The following DEFB134 variants were observed in gnomAD, a reference collection of about 807,000 sequenced individuals.
DEFB134 encodes beta-defensin 134.
DEFB134 carries 7 observed loss-of-function variants against 7.4 expected under a neutral mutation model. That is an observed-to-expected ratio of 0.95 (90% CI 0.54 to 1.79). DEFB134 has a LOEUF of 1.79. Ranked by LOEUF, DEFB134 falls within the 40% of genes most tolerant of loss-of-function variation. The probability of loss-of-function intolerance (pLI) is 0.00; values close to 1 mark genes in which losing one functional copy is unlikely to be tolerated. For synonymous variants in DEFB134, 33 were observed against 25.0 expected, an observed-to-expected ratio of 1.32 and a Z score of -0.96; for missense variants, 105 against 74.8, an observed-to-expected ratio of 1.40 and a Z score of -1.49.
At chr8:11,995,845 T>C (rs904589160) in intron 1 of DEFB134, among the ~76,000 whole-genome samples, 7 of 152,162 alleles carry the variant, frequency 4.6e-5, no homozygotes, top group African/African-American at 1.4e-4. Flanking sequence ...TTTCATATTA[T>C]GTATGGACAT....
intron 1 of DEFB134, among the ~76,000 whole-genome samples, chr8:11,994,936 T>A (rs1018625271): frequency 6.6e-6 from 1 of 152,156 alleles, no homozygotes; most frequent in Non-Finnish European, 1.5e-5. Context: ...TGAAGGAGGA[T>A]GAAATCAATT....
upstream of DEFB134, chr8:11,999,210 G>C (rs907321193): frequency 4.9e-6 from 1 of 204,688 alleles, no homozygotes; most frequent in South Asian, 1.1e-4. Flanking sequence ...TGAGGGCGTG[G>C]GTTCATGAAA....
At chr8:11,998,529 G>A (rs556110874), upstream of DEFB134, among the ~76,000 whole-genome samples, 1 of 152,182 alleles carries the variant, frequency 6.6e-6, no homozygotes, top group East Asian at 1.9e-4. Flanking sequence ...GAATCCCTGA[G>A]ACACAGCTAA....
At chr8:11,996,314 G>A, upstream of DEFB134, 2 of 1,587,450 alleles carry the variant, frequency 1.3e-6, no homozygotes, top group South Asian at 1.1e-5. Flanking sequence ...AGGGAACAGA[G>A]AGAAGAGGTT....
chr8:11,994,572 C>A (rs1308338292), intron 1 of DEFB134, among the ~76,000 whole-genome samples: 4 of 152,170 alleles, frequency 2.6e-5, no homozygotes, highest in Non-Finnish European at 5.9e-5. Flanking sequence ...TTTGTCTAAG[C>A]CACAGTGTGC....
At chr8:11,997,053 C>T (rs533697956), upstream of DEFB134, among the ~76,000 whole-genome samples, 16 of 152,168 alleles carry the variant, frequency 1.1e-4, no homozygotes, top group South Asian at 3.3e-3. Context: ...TTTTTCATGC[C>T]TTCTGTAATA....
upstream of DEFB134, among the ~76,000 whole-genome samples, chr8:11,997,487 G>A (rs1231313571): frequency 7.2e-5 from 11 of 152,144 alleles, no homozygotes; most frequent in Admixed American, 3.9e-4. Context: ...GATCTCACAC[G>A]CAATGACATT....
At chr8:11,998,952 C>T (rs1800197562), upstream of DEFB134, 1 of 152,224 alleles carries the variant, frequency 6.6e-6, no homozygotes, top group East Asian at 1.9e-4. Flanking sequence ...TGATAAATGC[C>T]TGGAAAAGTA....
At chr8:11,996,235 A>G in exon 1 of DEFB134, 1 of 1,613,750 alleles carries the variant, frequency 6.2e-7, no homozygotes. Context: ...GACAAACACA[A>G]CAAGGAGAGG....
chr8:11,993,764 T>C (rs567810750), exon 2 of DEFB134: 3 of 500,938 alleles, frequency 6.0e-6, no homozygotes, highest in African/African-American at 6.0e-5. Flanking sequence ...AAATATCTTC[T>C]ACATTGTTTT....
upstream of DEFB134, among the ~76,000 whole-genome samples, chr8:11,997,391 C>G (rs1292575807): frequency 2.0e-5 from 3 of 152,066 alleles, no homozygotes; most frequent in Non-Finnish European, 2.9e-5. Context: ...ATGTACAAGT[C>G]ATGGTATGGA....
At chr8:12,000,282 T>A (rs940169428), upstream of DEFB134, among the ~76,000 whole-genome samples, 1 of 152,232 alleles carries the variant, frequency 6.6e-6, no homozygotes, top group Non-Finnish European at 1.5e-5. Context: ...CAATTATTTG[T>A]GTCTCTGATT....
At chr8:11,999,938 C>A (rs574693073), upstream of DEFB134, among the ~76,000 whole-genome samples, 6 of 152,314 alleles carry the variant, frequency 3.9e-5, no homozygotes, top group African/African-American at 1.4e-4. Context: ...CACGCTAGGA[C>A]TAGATGGCTC....
chr8:11,997,379 T>G (rs7459547), upstream of DEFB134, among the ~76,000 whole-genome samples: 73,389 of 152,044 alleles, frequency 0.48, 19,344 homozygotes, highest in East Asian at 0.88. Context: ...CTATGGACAT[T>G]CATGTACAAG....
chr8:11,996,385 G>T, upstream of DEFB134: 1 of 909,804 alleles, frequency 1.1e-6, no homozygotes, highest in Non-Finnish European at 1.7e-6. Flanking sequence ...AGGTAGATAT[G>T]CTACACTGAA....
exon 1 of DEFB134, chr8:11,996,280 T>C (rs1221104182): frequency 6.2e-7 from 1 of 1,612,606 alleles, no homozygotes; most frequent in East Asian, 2.2e-5. Flanking sequence ...AGGAGGCTAG[T>C]GGCAGGGTCT....
At chr8:11,996,222 A>G (rs759357041) in exon 1 of DEFB134, 1 of 1,613,822 alleles carries the variant, frequency 6.2e-7, no homozygotes, top group African/African-American at 1.3e-5. Context: ...AAAGGAAAAG[A>G]AAGACAAACA....
intron 1 of DEFB134, among the ~76,000 whole-genome samples, chr8:11,994,717 ATTAC>A (rs1380567325): frequency 4.6e-5 from 7 of 152,220 alleles, no homozygotes; most frequent in African/African-American, 1.4e-4. Context: ...TTTTTAAATA[ATTAC>A]TTACTCATTA....
upstream of DEFB134, among the ~76,000 whole-genome samples, chr8:12,000,287 C>G (rs1057290413): frequency 2.0e-5 from 3 of 152,042 alleles, no homozygotes; most frequent in African/African-American, 7.2e-5. Context: ...ATTTGTGTCT[C>G]TGATTAGACT....
Sources: allele counts gnomAD v4.1 joint callset (sites outside exome capture counted in the v4.1 genomes callset), GRCh38; gene constraint gnomAD v4.1.1; transcripts MANE v1.5; gene names NCBI Gene and HGNC (gene_info 2026-07-23, HGNC 2026-07-21).